COL8A1: variants seen among roughly 807,000 people sequenced by gnomAD.
The protein encoded by COL8A1 is collagen alpha-1(VIII) chain.
A neutral mutation model predicts 42.7 loss-of-function variants in COL8A1; 21 were observed. That is an observed-to-expected ratio of 0.49 (90% CI 0.35 to 0.71). COL8A1 has a LOEUF of 0.71. COL8A1 is among the 30% of genes least tolerant of loss of function. COL8A1 has a pLI of 0.01. For synonymous variants in COL8A1, 367 were observed against 369.1 expected, an observed-to-expected ratio of 0.99 and a Z score of 0.06; for missense variants, 788 against 962.4, an observed-to-expected ratio of 0.82 and a Z score of 2.40.
chr3:99,756,889 G>T (rs1941264357), intron 2 of COL8A1, among the ~76,000 whole-genome samples: 1 of 152,168 alleles, frequency 6.6e-6, no homozygotes, highest in Admixed American at 6.5e-5. Context: ...AAAACTGAAG[G>T]ATCACTAAAT....
intron 2 of COL8A1, among the ~76,000 whole-genome samples, chr3:99,746,033 G>T (rs73860464): frequency 0.13 from 20,370 of 152,032 alleles, 2,052 homozygotes; most frequent in African/African-American, 0.28. Context: ...AGAATGAATT[G>T]CTAAGATTCC....
intron 1 of COL8A1, among the ~76,000 whole-genome samples, chr3:99,694,437 C>T (rs1364068827): frequency 2.6e-5 from 4 of 151,962 alleles, no homozygotes; most frequent in Non-Finnish European, 2.9e-5. Context: ...GATCGCACCA[C>T]TCCACTCCAG....
chr3:99,731,225 A>AT (rs756774692), intron 1 of COL8A1, among the ~76,000 whole-genome samples: 70 of 152,284 alleles, frequency 4.6e-4, no homozygotes, highest in Non-Finnish European at 8.8e-4. Flanking sequence ...AAATATATAT[A>AT]AAAATGAGTG....
chr3:99,687,450 C>G (rs1378469505), intron 1 of COL8A1, among the ~76,000 whole-genome samples: 2 of 152,152 alleles, frequency 1.3e-5, no homozygotes, highest in African/African-American at 2.4e-5. Flanking sequence ...GTAAAACTTT[C>G]ACATGTCACA....
At chr3:99,672,012 T>C (rs1938561239) in intron 1 of COL8A1, among the ~76,000 whole-genome samples, 1 of 152,086 alleles carries the variant, frequency 6.6e-6, no homozygotes, top group Non-Finnish European at 1.5e-5. Flanking sequence ...TTTTATTGTC[T>C]TCTGTAGAAC....
At chr3:99,640,432 C>T (rs1482002491) in intron 1 of COL8A1, among the ~76,000 whole-genome samples, 4 of 152,184 alleles carry the variant, frequency 2.6e-5, no homozygotes, top group Non-Finnish European at 4.4e-5. Flanking sequence ...GATGAAAATA[C>T]GCTGCTTCAT....
intron 1 of COL8A1, among the ~76,000 whole-genome samples, chr3:99,726,237 C>T (rs1198069088): frequency 6.6e-6 from 1 of 152,046 alleles, no homozygotes; most frequent in East Asian, 1.9e-4. Flanking sequence ...CTGTTCGTAT[C>T]CTGCACCCAC....
chr3:99,663,756 T>A (rs940442564), intron 1 of COL8A1, among the ~76,000 whole-genome samples: 1 of 152,156 alleles, frequency 6.6e-6, no homozygotes, highest in Non-Finnish European at 1.5e-5. Context: ...GCATCCCTTA[T>A]TGAAGCCAGG....
At chr3:99,782,695 G>T (rs2638948) in intron 2 of COL8A1, among the ~76,000 whole-genome samples, 84,724 of 151,978 alleles carry the variant, frequency 0.56, 24,169 homozygotes, top group East Asian at 0.71. Context: ...CCCGGCCCCT[G>T]ACATTATTTA....
intron 2 of COL8A1, among the ~76,000 whole-genome samples, chr3:99,774,643 A>G (rs1941656692): frequency 6.6e-6 from 1 of 152,084 alleles, no homozygotes; most frequent in South Asian, 2.1e-4. Context: ...ACACGTGAAC[A>G]AGAGTTTAAT....
intron 3 of COL8A1, 150 bp downstream of exon 3, chr3:99,791,160 T>C (rs971322354): frequency 4.5e-5 from 32 of 718,562 alleles, no homozygotes; most frequent in Non-Finnish European, 6.9e-5. Context: ...AACCATATTC[T>C]TGAAAACTTC....
intron 1 of COL8A1, chr3:99,678,779 G>A (rs1308661336): frequency 1.3e-5 from 2 of 152,112 alleles, no homozygotes; most frequent in African/African-American, 4.8e-5. Context: ...AAGTCAATGG[G>A]AAAGATAGTA....
intron 2 of COL8A1, among the ~76,000 whole-genome samples, chr3:99,764,701 C>CTTTTTTTTCTT (rs1941427181): frequency 1.6e-5 from 2 of 125,052 alleles, no homozygotes; most frequent in African/African-American, 3.0e-5. Flanking sequence ...TCTTTTTTTT[C>CTTTTTTTTCTT]TTTTTTTTTT....
intron 2 of COL8A1, among the ~76,000 whole-genome samples, chr3:99,748,435 G>A (rs1941075678): frequency 1.3e-5 from 2 of 152,124 alleles, no homozygotes; most frequent in East Asian, 3.8e-4. Flanking sequence ...TATATTGATT[G>A]CATGTTGAAA....
chr3:99,720,881 A>G (rs1940130769), intron 1 of COL8A1, among the ~76,000 whole-genome samples: 1 of 152,136 alleles, frequency 6.6e-6, no homozygotes, highest in South Asian at 2.1e-4. Context: ...GATGGTGAGG[A>G]GTTTCTGAGA....
chr3:99,697,250 T>C (rs1344898146), intron 1 of COL8A1, among the ~76,000 whole-genome samples: 2 of 151,956 alleles, frequency 1.3e-5, no homozygotes, highest in Non-Finnish European at 2.9e-5. Context: ...CCTCCCAAAG[T>C]GCTGGGATTA....
intron 1 of COL8A1, among the ~76,000 whole-genome samples, chr3:99,741,512 G>A (rs1426313106): frequency 6.6e-6 from 1 of 152,124 alleles, no homozygotes; most frequent in African/African-American, 2.4e-5. Context: ...TAGTAGTCAG[G>A]AATTGAGGTA....
intron 1 of COL8A1, among the ~76,000 whole-genome samples, chr3:99,642,874 A>C (rs996447382): frequency 1.1e-4 from 16 of 152,236 alleles, no homozygotes; most frequent in African/African-American, 3.1e-4. Flanking sequence ...CATACCTAGA[A>C]GAAAGTAATT....
intron 1 of COL8A1, among the ~76,000 whole-genome samples, chr3:99,663,406 T>G (rs1938267646): frequency 6.6e-6 from 1 of 152,138 alleles, no homozygotes; most frequent in African/African-American, 2.4e-5. Flanking sequence ...CCTCTCAAAA[T>G]TGTCGTTTCC....
Sources: allele counts gnomAD v4.1 joint callset (sites outside exome capture counted in the v4.1 genomes callset), GRCh38; gene constraint gnomAD v4.1.1; transcripts MANE v1.5; gene names NCBI Gene and HGNC (gene_info 2026-07-23, HGNC 2026-07-21).